The following BBS9 variants were observed in gnomAD, a reference collection of about 807,000 sequenced individuals.
The protein encoded by BBS9 is Bardet-Biedl syndrome 9, also known as protein PTHB1.
In BBS9, 89 loss-of-function variants were observed where a neutral mutation model predicts 117.7. That is an observed-to-expected ratio of 0.76 (90% CI 0.64 to 0.90). The LOEUF is 0.90. BBS9 is among the 40% of genes least tolerant of loss of function. The pLI, the probability that BBS9 is intolerant of heterozygous loss-of-function variation, is 0.00. For synonymous variants in BBS9, 379 were observed against 370.9 expected, an observed-to-expected ratio of 1.02 and a Z score of -0.25; for missense variants, 982 against 1,042.2, an observed-to-expected ratio of 0.94 and a Z score of 0.80.
chr7:33,498,769 A>C (rs1313454670), intron 19 of BBS9, among the ~76,000 whole-genome samples: 1 of 152,108 alleles, frequency 6.6e-6, no homozygotes, highest in African/African-American at 2.4e-5. Flanking sequence ...CTGTTGATGG[A>C]CATTTGAGTT....
At chr7:33,192,074 AT>A (rs1397533267) in intron 5 of BBS9, among the ~76,000 whole-genome samples, 6 of 152,130 alleles carry the variant, frequency 3.9e-5, no homozygotes, top group Non-Finnish European at 8.8e-5. Context: ...TTTTAGAGTA[AT>A]TTTACAGTTT....
chr7:33,232,551 C>T lies in BBS9; in HGVS notation c.443-24685C>T, dbSNP rs559210617. 7.2e-5 allele frequency among the ~76,000 whole-genome samples: 11 copies of T among 151,910 alleles called. No individual in the cohort carries two copies. The East Asian group carries it at 1.7e-3, about 24-fold the overall frequency. ...TTTTAAGAAAATAAAGATGCTAGAG[C>T]TCATCATTATTTTTACTTCCTTAGG... On this transcript the variant is annotated intron_variant, in intron 5 of 22. Coordinates refer to ENST00000242067, the MANE Select transcript of BBS9 (RefSeq NM_198428.3).
chr7:33,239,742 GC>G (rs1268784126), intron 5 of BBS9, among the ~76,000 whole-genome samples: 1 of 151,904 alleles, frequency 6.6e-6, no homozygotes, highest in Non-Finnish European at 1.5e-5. Flanking sequence ...AGGCATGGTG[GC>G]CCACATCTAT....
intron 5 of BBS9, among the ~76,000 whole-genome samples, chr7:33,252,365 C>G (rs1222897093): frequency 5.3e-5 from 8 of 152,152 alleles, no homozygotes; most frequent in Admixed American, 3.3e-4. Flanking sequence ...TTCTCTGGGG[C>G]TCAAGCTTTC....
chr7:33,538,610 G>A (rs1161820654), intron 21 of BBS9, among the ~76,000 whole-genome samples: 2 of 151,542 alleles, frequency 1.3e-5, no homozygotes, highest in Non-Finnish European at 3.0e-5. Flanking sequence ...AAGACATTTG[G>A]TGTTTACTTT....
intron 16 of BBS9, 135 bp downstream of exon 16, chr7:33,358,130 T>G: frequency 8.8e-7 from 1 of 1,140,728 alleles, no homozygotes; most frequent in Non-Finnish European, 1.3e-6. Flanking sequence ...CTCAAGGATT[T>G]TTCCCTCCTT....
At chr7:33,220,450 C>T (rs529608231) in intron 5 of BBS9, among the ~76,000 whole-genome samples, 86 of 152,336 alleles carry the variant, frequency 5.6e-4, no homozygotes, top group Admixed American at 1.1e-3. Flanking sequence ...CTGAGATTTG[C>T]TTTGATGTTT....
chr7:33,587,912 C>A (rs1246600135), intron 21 of BBS9, among the ~76,000 whole-genome samples: 2 of 152,010 alleles, frequency 1.3e-5, no homozygotes, highest in Admixed American at 6.6e-5. Context: ...TTTGAAGTAG[C>A]CTGGGAAAAA....
chr7:33,490,785 G>A (rs1843785882), intron 19 of BBS9, among the ~76,000 whole-genome samples: 1 of 152,182 alleles, frequency 6.6e-6, no homozygotes, highest in Non-Finnish European at 1.5e-5. Flanking sequence ...AGAATGCATA[G>A]TTTCTTTCAT....
intron 2 of BBS9, among the ~76,000 whole-genome samples, chr7:33,147,687 A>C (rs1792641399): frequency 6.6e-6 from 1 of 152,222 alleles, no homozygotes; most frequent in Non-Finnish European, 1.5e-5. Context: ...TGCCTAAACT[A>C]TCTAAAGTTC....
chr7:33,606,970 G>A (rs1864608570), downstream of BBS9, among the ~76,000 whole-genome samples: 1 of 152,044 alleles, frequency 6.6e-6, no homozygotes, highest in Non-Finnish European at 1.5e-5. Flanking sequence ...TAGTCCCACT[G>A]TCTCCTCTTA....
chr7:33,228,688 A>G (rs563392732), intron 5 of BBS9, among the ~76,000 whole-genome samples: 1 of 152,312 alleles, frequency 6.6e-6, no homozygotes, highest in African/African-American at 2.4e-5. Flanking sequence ...CAGCTATAGT[A>G]AAAAAGTTAT....
chr7:33,327,969 G>T (rs1203498613), intron 9 of BBS9, among the ~76,000 whole-genome samples: 1 of 152,122 alleles, frequency 6.6e-6, no homozygotes. Context: ...CCAAAATCAG[G>T]AACTCATGGG....
chr7:33,378,397 C>T (rs534423056), intron 17 of BBS9, among the ~76,000 whole-genome samples: 1 of 152,226 alleles, frequency 6.6e-6, no homozygotes, highest in South Asian at 2.1e-4. Context: ...CTTCTATTAC[C>T]TCTCTTTTAT....
chr7:33,182,558 T>C (rs540462880), intron 5 of BBS9, among the ~76,000 whole-genome samples: 1 of 152,340 alleles, frequency 6.6e-6, no homozygotes, highest in East Asian at 1.9e-4. Flanking sequence ...GTGTCTTTAT[T>C]TTACTAATAA....
At chr7:33,611,596 T>TTA (rs1864866863) in intron 21 of BBS9, among the ~76,000 whole-genome samples, 1 of 136,328 alleles carries the variant, frequency 7.3e-6, no homozygotes, top group African/African-American at 2.8e-5. Flanking sequence ...TATATAATAA[T>TTA]ATTATTTAAT....
At chr7:33,308,963 T>C (rs1435555650) in intron 9 of BBS9, among the ~76,000 whole-genome samples, 3 of 152,242 alleles carry the variant, frequency 2.0e-5, no homozygotes, top group Non-Finnish European at 4.4e-5. Context: ...AGTTGCTTTT[T>C]GGCACAAGGA....
At chr7:33,143,209 T>C (rs1309461336) in intron 1 of BBS9, among the ~76,000 whole-genome samples, 2 of 152,080 alleles carry the variant, frequency 1.3e-5, no homozygotes, top group Non-Finnish European at 2.9e-5. Context: ...GACCTCATGA[T>C]CCACCCGCCT....
chr7:33,275,242 A>G (rs1562922803), intron 9 of BBS9, among the ~76,000 whole-genome samples: 1 of 152,206 alleles, frequency 6.6e-6, no homozygotes, highest in Admixed American at 6.5e-5. Flanking sequence ...TATGAGAAAA[A>G]ACATATAATT....
Sources: allele counts gnomAD v4.1 joint callset (sites outside exome capture counted in the v4.1 genomes callset), GRCh38; gene constraint gnomAD v4.1.1; transcripts MANE v1.5; gene names NCBI Gene and HGNC (gene_info 2026-07-23, HGNC 2026-07-21).